ACSL4: variants seen among roughly 807,000 people sequenced by gnomAD.
The protein encoded by ACSL4 is acyl-CoA synthetase long chain family member 4.
A neutral mutation model predicts 49.1 loss-of-function variants in ACSL4; 9 were observed. The ratio of observed to expected loss-of-function variants is 0.18; its 90% CI spans 0.11 to 0.32. ACSL4 has a LOEUF of 0.32. Ranked by LOEUF, ACSL4 falls within the 10% of genes least tolerant of loss-of-function variation. The pLI is 1.00. For synonymous variants in ACSL4, 191 were observed against 170.3 expected (o/e 1.12, Z -0.95); for missense variants, 333 against 493.7 (o/e 0.67, Z 3.08).
At chrX:109,732,371 G>A (rs1928537570) in intron 1 of ACSL4, among the ~76,000 whole-genome samples, 1 of 111,222 alleles carries the variant, frequency 9.0e-6, no homozygotes, top group Non-Finnish European at 1.9e-5. Context: ...CCCTTGATGG[G>A]GTTAGACAAT....
intron 9 of ACSL4, 142 bp from the exon 10 acceptor site, chrX:109,669,315 T>A (rs562193851): frequency 4.5e-6 from 2 of 447,534 alleles, no homozygotes; most frequent in East Asian, 7.8e-5. Context: ...TTAATTTCAC[T>A]GACTACTTGT....
rs980728960 is a variant in ACSL4, at chrX:109,729,652, C to CAATA, written c.-66+3483_-66+3486dup. On this transcript the variant is annotated intron_variant, in intron 1 of 15. Coordinates refer to ENST00000672401, the MANE Select transcript of ACSL4 (RefSeq NM_001318510.2). The stretch of plus-strand genomic sequence containing the variant: ...TCATATGAGCTTTATTCAAAATAGG[C>CAATA]AATAAATAAATAAATAAATAAGTAA... Among the ~76,000 whole-genome samples, 252 of 111,434 alleles carry CAATA rather than the reference C, an allele frequency of 2.3e-3. 1 individual carries two copies. Among genetic ancestry groups the CAATA allele is most frequent in the African/African-American group, 7.4e-3 (227 of 30,675 alleles).
Position 109,673,985 on chromosome X carries a change from G to A in ACSL4, c.1002+417C>T, listed in dbSNP as rs770082077. 1.3e-4 allele frequency among the ~76,000 whole-genome samples: 14 copies of A among 111,598 alleles called. 3 individuals are homozygous for A. Among genetic ancestry groups the A allele is most frequent in the South Asian group, 1.1e-3 (3 of 2,686 alleles). The stretch of plus-strand genomic sequence containing the variant: ...TTTTCAGTTTACTTAATCACCATAA[G>A]AGAGTTGGGAGGGCTTAGATCCTTG... On this transcript the variant is annotated intron_variant, in intron 9 of 15. Coordinates refer to ENST00000672401, the MANE Select transcript of ACSL4 (RefSeq NM_001318510.2).
At chrX:109,689,989 G>A (rs766806972) in intron 2 of ACSL4, among the ~76,000 whole-genome samples, 5 of 112,026 alleles carry the variant, frequency 4.5e-5, no homozygotes, top group South Asian at 7.3e-4. Flanking sequence ...GTACAATAAC[G>A]TGAAGGTAGC....
chrX:109,689,221 T>C (rs143665882), intron 2 of ACSL4, among the ~76,000 whole-genome samples: 1,990 of 111,697 alleles, frequency 0.018, 33 homozygotes, highest in African/African-American at 0.061. Flanking sequence ...AAAAGGTGAA[T>C]CTAATTCAAC....
intron 11 of ACSL4, 124 bp from the exon 12 acceptor site, chrX:109,665,618 T>C: frequency 1.7e-6 from 1 of 583,826 alleles, no homozygotes; most frequent in Non-Finnish European, 3.0e-6. Context: ...CAAAGTGTGA[T>C]CATTTTTCAG....
intron 15 of ACSL4, among the ~76,000 whole-genome samples, chrX:109,647,654 G>C (rs1934785091): frequency 9.0e-6 from 1 of 110,824 alleles, no homozygotes; most frequent in South Asian, 3.8e-4. Context: ...GCTAGCAGAA[G>C]GCAAGAAATA....
rs775943047 is a variant in ACSL4 at position 109,679,470 on chromosome X, G to A, written c.656-1055C>T. Among the ~76,000 whole-genome samples, 6 of 112,282 alleles carry A rather than the reference G, an allele frequency of 5.3e-5. No homozygotes were observed. The East Asian group carries it at 1.7e-3, about 31-fold the overall frequency. On this transcript the variant is annotated intron_variant, in intron 6 of 15. Transcript: ENST00000672401. ...AAATAACATTTTTTTAAAACAGTGA[G>A]CTATACCACTGAAACAAAGATAGTT...
intron 1 of ACSL4, among the ~76,000 whole-genome samples, chrX:109,712,471 GAGTA>G (rs1301353623): frequency 1.8e-5 from 2 of 111,993 alleles, no homozygotes; most frequent in Non-Finnish European, 3.8e-5. Flanking sequence ...TTCATAAGCA[GAGTA>G]AGTGACAGTG....
intron 8 of ACSL4, among the ~76,000 whole-genome samples, chrX:109,674,796 A>C (rs1201479477): frequency 8.9e-6 from 1 of 112,428 alleles, no homozygotes; most frequent in African/African-American, 3.2e-5. Flanking sequence ...ATTTTCAAAA[A>C]AACTTGATTA....
intron 9 of ACSL4, among the ~76,000 whole-genome samples, chrX:109,669,672 G>A (rs1468934078): frequency 1.8e-5 from 2 of 112,255 alleles, no homozygotes; most frequent in African/African-American, 6.5e-5. Flanking sequence ...GATTACAGGC[G>A]TGAGCCACCG....
At chrX:109,644,848 C>T (rs1250740902) in intron 15 of ACSL4, among the ~76,000 whole-genome samples, 3 of 113,123 alleles carry the variant, frequency 2.7e-5, no homozygotes, top group East Asian at 2.8e-4. Flanking sequence ...CGAAGCAGGG[C>T]GAGGCATTGC....
chrX:109,724,543 C>T (rs766044324), intron 1 of ACSL4, among the ~76,000 whole-genome samples: 58 of 111,770 alleles, frequency 5.2e-4, no homozygotes, highest in African/African-American at 1.8e-3. Flanking sequence ...ACCTACTGGG[C>T]TCAAGCAATC....
At chrX:109,665,820 T>A (rs930086168) in intron 11 of ACSL4, among the ~76,000 whole-genome samples, 8 of 112,087 alleles carry the variant, frequency 7.1e-5, no homozygotes, top group African/African-American at 2.6e-4. Context: ...TCATTGGCTA[T>A]GTAACATGGA....
At chrX:109,709,128 A>G (rs1411387409) in intron 1 of ACSL4, among the ~76,000 whole-genome samples, 1 of 111,962 alleles carries the variant, frequency 8.9e-6, no homozygotes, top group Non-Finnish European at 1.9e-5. Flanking sequence ...ATGTTTTTCA[A>G]CTGACCAGAA....
chrX:109,682,885 C>T lies in ACSL4; in HGVS notation c.240G>A (p.Gly80=), dbSNP rs1422268438. The T allele has an allele frequency of 1.7e-6, 2 of 1,206,747 alleles. No homozygotes were observed. Among genetic ancestry groups the T allele is most frequent in the African/African-American group, 3.5e-5 (2 of 57,107 alleles). The change falls in exon 4 of 16, where the codon GGG becomes GGA. Residue 80 remains glycine (G), a synonymous_variant. Transcript: ENST00000672401. The part of the protein sequence containing the change: ...NGKVFKKLIL[G]NYKWMNYLEV... Reference sequence around the variant, plus strand: ...CAAGATAGTTCATCCATTTATAATTCCCAAGAATTAACTGTTAAAGTGATA... The same window carrying T: ...CAAGATAGTTCATCCATTTATAATTTCCAAGAATTAACTGTTAAAGTGATA...
At chrX:109,663,536 A>T (rs1922353367) in intron 12 of ACSL4, 134 bp from the exon 13 acceptor site, 2 of 553,655 alleles carry the variant, frequency 3.6e-6, no homozygotes, top group Admixed American at 6.8e-5. Flanking sequence ...GTTTATATTT[A>T]CTAAAATTTA....
At chrX:109,682,022 A>G in intron 4 of ACSL4, among the ~76,000 whole-genome samples, 1 of 112,095 alleles carries the variant, frequency 8.9e-6, no homozygotes, top group Non-Finnish European at 1.9e-5. Context: ...ACCAGAAACA[A>G]TGTGGTTAAA....
chrX:109,649,448 G>A (rs891620154), intron 15 of ACSL4, among the ~76,000 whole-genome samples: 2 of 111,724 alleles, frequency 1.8e-5, no homozygotes, highest in African/African-American at 6.5e-5. Context: ...TTTAATAAAT[G>A]GTGCTGGGAA....
Sources: allele counts gnomAD v4.1 joint callset (sites outside exome capture counted in the v4.1 genomes callset), GRCh38; gene constraint gnomAD v4.1.1; transcripts MANE v1.5; gene names NCBI Gene and HGNC (gene_info 2026-07-23, HGNC 2026-07-21).